The following IRAK1 variants were observed in gnomAD, a reference collection of about 807,000 sequenced individuals.
IRAK1 encodes interleukin 1 receptor associated kinase 1, also known as interleukin-1 receptor-associated kinase 1.
A neutral mutation model predicts 49.8 loss-of-function variants in IRAK1; 9 were observed. The observed-to-expected ratio is 0.18, with a 90% CI of 0.11 to 0.32. The LOEUF is 0.32. Ranked by LOEUF, IRAK1 falls within the 10% of genes least tolerant of loss-of-function variation. The probability of loss-of-function intolerance (pLI) is 1.00; values close to 1 mark genes in which losing one functional copy is unlikely to be tolerated. For missense variants in IRAK1, 418 were observed against 600.5 expected (o/e 0.70, Z 3.18); for synonymous variants, 282 against 270.8 (o/e 1.04, Z -0.41).
chrX:154,014,618 C>T (rs2065726164), intron 10 of IRAK1, among the ~76,000 whole-genome samples: 1 of 111,257 alleles, frequency 9.0e-6, no homozygotes, highest in Non-Finnish European at 1.9e-5. Context: ...CTCCCAGGCT[C>T]GTGATCCTCC....
At chrX:154,017,276 C>T (rs868984696) in intron 7 of IRAK1, among the ~76,000 whole-genome samples, 7 of 112,426 alleles carry the variant, frequency 6.2e-5, no homozygotes, top group African/African-American at 1.3e-4. Flanking sequence ...TGCTGGGCTT[C>T]GGCTCCCAGG....
At chrX:154,016,854 A>T (rs2065742292) in intron 8 of IRAK1, 95 bp downstream of exon 8, 1 of 702,187 alleles carries the variant, frequency 1.4e-6, no homozygotes, top group Non-Finnish European at 2.3e-6. Context: ...CGGGGTGTTG[A>T]GGTCCCAGGC....
At chrX:154,014,426 T>C (rs2065725120) in intron 10 of IRAK1, 148 bp from the exon 11 acceptor site, 1 of 577,873 alleles carries the variant, frequency 1.7e-6, no homozygotes. Flanking sequence ...GCCTGGCTGG[T>C]CTCCAAGTAG....
intron 11 of IRAK1, 98 bp downstream of exon 11, chrX:154,013,944 G>T: frequency 9.6e-7 from 1 of 1,039,967 alleles, no homozygotes; most frequent in South Asian, 2.1e-5. Flanking sequence ...GGAGACTCCA[G>T]AGAGACCTAG....
At chrX:154,017,534 G>A (rs1403585015) in intron 7 of IRAK1, among the ~76,000 whole-genome samples, 2 of 111,894 alleles carry the variant, frequency 1.8e-5, no homozygotes, top group Non-Finnish European at 3.8e-5. Context: ...GGTGGCTCAC[G>A]CCTGTAATCC....
rs377204141 is a variant in IRAK1, at chrX:154,014,051, A to G, written c.1530T>C (p.Pro510=). 1 of 1,194,995 alleles carries G rather than the reference A, an allele frequency of 8.4e-7. No individual in the cohort carries two copies. The highest frequency in any genetic ancestry group is 1.8e-5 in the African/African-American group (1 of 56,367). The change falls in exon 11 of 14, where the codon CCT becomes CCC. Residue 510 remains proline, a synonymous_variant. Transcript: ENST00000369980. ...GTGCGCAGCTGGCTACCTGGGTCAT[A>G]GGAGGCCTCCTTTTGGCCCGGCGGT... The part of the protein sequence containing the change: ...CLHRRAKRRP[P]MTQVYERLEK...
rs782002126 is a variant in IRAK1, at chrX:154,019,275, T to A, written c.358A>T (p.Ser120Cys). The A allele has an allele frequency of 5.9e-6, 7 of 1,194,151 alleles. No individual in the cohort carries two copies. Among genetic ancestry groups the A allele is most frequent in the Non-Finnish European group, 7.9e-6 (7 of 886,213 alleles). Residue 120 changes from serine to cysteine, a missense_variant, in exon 3 of 14, where the codon AGC (serine) becomes TGC (cysteine). This residue lies in a region of IRAK1 where 377 missense variants were observed against 499.5 expected (regional missense o/e 0.75). Transcript: ENST00000369980. ...TCGGCCTCGGCGGGTGCAGGGATGC[T>A]GCTGGGCCTCGGGGCAGTGGTGCCT... Reference protein sequence around the residue: ...SPGTTAPRPSSIPAPAEAEAW... With the variant: ...SPGTTAPRPSCIPAPAEAEAW...
intron 6 of IRAK1, 64 bp downstream of exon 6, chrX:154,018,227 C>T (rs2065753874): frequency 9.3e-7 from 1 of 1,072,070 alleles, no homozygotes; most frequent in South Asian, 2.0e-5. Context: ...CCAAGGGAGC[C>T]AGGTCCTGTG....
At position 154,019,412 on chromosome X, in the gene IRAK1, C is replaced by T. The variant is rs2065765556; in HGVS notation, c.304+19G>A. 2.7e-6 allele frequency: 3 copies of T among 1,104,761 alleles called. No homozygotes were observed. Among genetic ancestry groups the T allele is most frequent in the South Asian group, 4.2e-5 (2 of 47,859 alleles). The allele number at this position is 1,104,761 out of a possible 1,213,427, so 91.0% of individuals were successfully genotyped here. A position where few individuals can be genotyped will look rare whatever the true frequency, so the allele number is the denominator to read the frequency against. Reference sequence around the variant, plus strand: ...CCGCCGGCCTCCCAGCCGTGGGGTGCCCGGAGTCCCGCGCTCACAGGCTGT... The same window carrying T: ...CCGCCGGCCTCCCAGCCGTGGGGTGTCCGGAGTCCCGCGCTCACAGGCTGT... On this transcript the variant is annotated intron_variant, in intron 2 of 13. Transcript: ENST00000369980.
chrX:154,011,717 C>G lies in IRAK1; in HGVS notation c.*142G>C, dbSNP rs3027900. On this transcript the variant is annotated 3_prime_UTR_variant, in exon 14 of 14. Coordinates refer to ENST00000369980, the MANE Select transcript of IRAK1 (RefSeq NM_001569.4). The stretch of plus-strand genomic sequence containing the variant: ...CCTATGCCCACAGAGCCTAGAACAG[C>G]AGGGCCACCTCCTTCTCTCCCCCGC... 81 of 593,517 alleles carry G rather than the reference C, an allele frequency of 1.4e-4. No individual in the cohort carries two copies. The highest frequency in any genetic ancestry group is 2.3e-4 in the Non-Finnish European group (77 of 342,109). The allele number at this position is 593,517 out of a possible 1,213,427, so 48.9% of individuals were successfully genotyped here.
At position 154,018,623 on chromosome X, in the gene IRAK1, C is replaced by T; in HGVS notation, c.705G>A (p.Val235=). 1 of 1,209,181 alleles carries T rather than the reference C, an allele frequency of 8.3e-7. No homozygotes were observed. The highest frequency in any genetic ancestry group is 1.8e-5 in the South Asian group (1 of 56,791). The change falls in exon 5 of 14, where the codon GTG becomes GTA. Residue 235 remains valine (V), a synonymous_variant. Transcript: ENST00000369980. ...CVYRAVMRNT[V]YAVKRLKENA... ...CCTCCTTCAGCCTCTTCACAGCATA[C>T]ACCGTGTTCCTCATCACCGCCCGGT...
In IRAK1 at chrX:154,013,442, G is replaced by A. The variant is rs1235539928; in HGVS notation, c.1540-9C>T. 1 of 1,165,934 alleles carries A rather than the reference G, an allele frequency of 8.6e-7. No individual in the cohort carries two copies. The highest frequency in any genetic ancestry group is 3.0e-5 in the East Asian group (1 of 33,489). On this transcript the variant is annotated splice_polypyrimidine_tract_variant and intron_variant, in intron 11 of 13. Coordinates refer to ENST00000369980, the MANE Select transcript of IRAK1 (RefSeq NM_001569.4). ...TCTAGCCTCTCGTACACCTGCAAGT[G>A]GAAAAGAGGGACTCTCAGGGTGAGA...
intron 5 of IRAK1, 66 bp downstream of exon 5, chrX:154,018,533 A>C: frequency 1.0e-6 from 1 of 974,337 alleles, no homozygotes; most frequent in Non-Finnish European, 1.5e-6. Flanking sequence ...CGAGGGGGAA[A>C]GGCTGGAGAA....
Position 154,011,699 on chromosome X carries a change from CCA to C in IRAK1, c.*158_*159del. ...AGGGTTCCACTCTGCCTGCCTATGC[CCA>C]CAGAGCCTAGAACAGCAGGGCCACC... On this transcript the variant is annotated 3_prime_UTR_variant, in exon 14 of 14. Coordinates refer to ENST00000369980, the MANE Select transcript of IRAK1 (RefSeq NM_001569.4). The C allele has an allele frequency of 1.8e-6, 1 of 551,475 alleles. No individual in the cohort carries two copies. Among genetic ancestry groups the C allele is most frequent in the Non-Finnish European group, 3.2e-6 (1 of 308,148 alleles). 45.4% of individuals were successfully genotyped at this position (551,475 alleles called of 1,213,427 possible). A position where few individuals can be genotyped will look rare whatever the true frequency, so the allele number is the denominator to read the frequency against.
rs782579760 is a variant in IRAK1 at position 154,011,743 on chromosome X, G to A, written c.*116C>T. ...AGGGCCACCTCCTTCTCTCCCCCGC[G>A]GGCATGGGCCCCCACCCCCACTGCC... On this transcript the variant is annotated 3_prime_UTR_variant, in exon 14 of 14. Coordinates refer to ENST00000369980, the MANE Select transcript of IRAK1 (RefSeq NM_001569.4). The A allele has an allele frequency of 1.2e-5, 9 of 722,117 alleles. No individual in the cohort carries two copies. The highest frequency in any genetic ancestry group is 2.8e-4 in the Middle Eastern group (1 of 3,512). The allele number at this position is 722,117 out of a possible 1,213,427, so 59.5% of individuals were successfully genotyped here.
At chrX:154,012,469 C>G in intron 13 of IRAK1, 60 bp downstream of exon 13, 1 of 1,146,911 alleles carries the variant, frequency 8.7e-7, no homozygotes, top group South Asian at 2.0e-5. Flanking sequence ...AGACACTCTG[C>G]TCTTTGGGGC....
In IRAK1 at chrX:154,010,885, T is replaced by G; in HGVS notation, c.*974A>C. The G allele has an allele frequency of 3.0e-6, 1 of 331,632 alleles. No individual in the cohort carries two copies. Among genetic ancestry groups the G allele is most frequent in the Non-Finnish European group, 6.1e-6 (1 of 164,771 alleles). 27.3% of individuals were successfully genotyped at this position (331,632 alleles called of 1,213,427 possible). A position where few individuals can be genotyped will look rare whatever the true frequency, so the allele number is the denominator to read the frequency against. ...AGCTTGTGGCCTCCGAAGCCTGACC[T>G]GGCTCGGAGCTCGTCTGTGGCGCCC... On this transcript the variant is annotated 3_prime_UTR_variant, in exon 14 of 14. Transcript: ENST00000369980.
chrX:154,016,378 C>A, intron 9 of IRAK1, 59 bp downstream of exon 9: 1 of 1,091,267 alleles, frequency 9.2e-7, no homozygotes, highest in African/African-American at 1.8e-5. Context: ...CTGCAGCCCC[C>A]ACCTCTGCCT....
intron 10 of IRAK1, among the ~76,000 whole-genome samples, chrX:154,014,843 G>A (rs782633381): frequency 1.8e-5 from 2 of 112,039 alleles, no homozygotes; most frequent in East Asian, 5.6e-4. Flanking sequence ...GACCCGGTTT[G>A]ACAGAGCTGA....
Sources: gnomAD v4.1 joint callset for allele counts (sites outside exome capture counted in the v4.1 genomes callset) on GRCh38, gnomAD v4.1.1 for gene constraint, gnomAD v4.1.1 regional missense constraint, MANE v1.5 for transcripts, NCBI Gene and HGNC (gene_info 2026-07-23, HGNC 2026-07-21) for gene names.